Variants in WWTR1 observed in about 807,000 individuals in gnomAD.
WWTR1 encodes the protein WW domain-containing transcription regulator protein 1.
Under a neutral mutation model 40.1 loss-of-function variants are expected in WWTR1, and 13 were observed. That is an observed-to-expected ratio of 0.32 (90% CI 0.21 to 0.52). The LOEUF (loss-of-function observed/expected upper bound fraction) is 0.52, where lower values mean the gene tolerates loss of function less well. WWTR1 is among the 20% of genes least tolerant of loss of function. The probability of loss-of-function intolerance (pLI) is 0.97; values close to 1 mark genes in which losing one functional copy is unlikely to be tolerated. For missense variants in WWTR1, 436 were observed against 523.1 expected (o/e 0.83, Z 1.63); for synonymous variants, 230 against 210.1 (o/e 1.09, Z -0.82).
intron 3 of WWTR1, among the ~76,000 whole-genome samples, chr3:149,559,795 A>G (rs1334124703): frequency 1.3e-5 from 2 of 152,204 alleles, no homozygotes; most frequent in East Asian, 3.8e-4. Context: ...AATCTGTGCT[A>G]CATAATTCTG....
chr3:149,612,497 T>G (rs1739782002), intron 2 of WWTR1, among the ~76,000 whole-genome samples: 1 of 152,208 alleles, frequency 6.6e-6, no homozygotes, highest in Non-Finnish European at 1.5e-5. Flanking sequence ...TCCTGTCCTT[T>G]GTACTTGTAA....
At chr3:149,606,207 C>T (rs1321195853) in intron 2 of WWTR1, among the ~76,000 whole-genome samples, 1 of 152,158 alleles carries the variant, frequency 6.6e-6, no homozygotes, top group Admixed American at 6.5e-5. Flanking sequence ...CCTGAGCCAC[C>T]TAGTTTATGG....
intron 4 of WWTR1, among the ~76,000 whole-genome samples, chr3:149,539,518 G>A (rs982785289): frequency 3.3e-5 from 5 of 152,146 alleles, no homozygotes; most frequent in Non-Finnish European, 7.3e-5. Flanking sequence ...CAAGCAAGAG[G>A]AGAGCCAGTG....
rs370317758 is a variant in WWTR1, at chr3:149,708,625, C to T, written n.585-5297G>A. Among the ~76,000 whole-genome samples the T allele has an allele frequency of 6.6e-5, 10 of 152,268 alleles. No individual in the cohort carries two copies. The East Asian group carries it at 1.7e-3, about 26-fold the overall frequency. On this transcript the variant is annotated intron_variant and non_coding_transcript_variant, in intron 5 of 6. Transcript: ENST00000474080. ...ACTTAATATGTCCTCAAGGTTCATC[C>T]ATATTATAGTGTGTGTCAGAACTTT...
chr3:149,722,689 G>A (rs1236091653), intron 4 of WWTR1, among the ~76,000 whole-genome samples: 1 of 151,610 alleles, frequency 6.6e-6, no homozygotes, highest in Non-Finnish European at 1.5e-5. Flanking sequence ...GTACCCTACA[G>A]GTCCCTTAGG....
At chr3:149,671,101 C>G (rs975587450) in intron 1 of WWTR1, among the ~76,000 whole-genome samples, 1 of 152,138 alleles carries the variant, frequency 6.6e-6, no homozygotes, top group Non-Finnish European at 1.5e-5. Context: ...GTACTTTCAG[C>G]CAAATATTGC....
At chr3:149,677,561 A>G (rs947283524) in intron 1 of WWTR1, among the ~76,000 whole-genome samples, 2 of 152,012 alleles carry the variant, frequency 1.3e-5, no homozygotes, top group Non-Finnish European at 2.9e-5. Context: ...CTAAAACTCA[A>G]TCTATCTAAT....
At chr3:149,637,576 A>G (rs1486098812) in intron 2 of WWTR1, among the ~76,000 whole-genome samples, 2 of 152,112 alleles carry the variant, frequency 1.3e-5, no homozygotes, top group African/African-American at 4.8e-5. Flanking sequence ...CCCTAGTACC[A>G]ATATGTGCTA....
At chr3:149,549,736 G>T (rs987227449) in intron 3 of WWTR1, among the ~76,000 whole-genome samples, 5 of 152,154 alleles carry the variant, frequency 3.3e-5, no homozygotes, top group African/African-American at 1.2e-4. Context: ...CTACTTGGGA[G>T]GCTGGGGCAG....
intron 2 of WWTR1, among the ~76,000 whole-genome samples, chr3:149,577,212 T>C (rs1292982621): frequency 6.6e-6 from 1 of 152,198 alleles, no homozygotes; most frequent in East Asian, 1.9e-4. Flanking sequence ...ACTACACTTT[T>C]GGCTCCTATC....
intron 2 of WWTR1, among the ~76,000 whole-genome samples, chr3:149,620,575 C>A (rs1301708605): frequency 6.9e-6 from 1 of 145,404 alleles, no homozygotes; most frequent in East Asian, 2.0e-4. Flanking sequence ...CCCCCCCACA[C>A]ACACACACTC....
chr3:149,610,897 C>A (rs1288086752), intron 2 of WWTR1, among the ~76,000 whole-genome samples: 2 of 152,054 alleles, frequency 1.3e-5, no homozygotes, highest in Non-Finnish European at 2.9e-5. Context: ...AATCCCAACA[C>A]TTTGGGAGGC....
At chr3:149,622,264 T>C (rs182438356) in intron 2 of WWTR1, among the ~76,000 whole-genome samples, 7 of 152,266 alleles carry the variant, frequency 4.6e-5, no homozygotes, top group Non-Finnish European at 1.0e-4. Flanking sequence ...TGATCTTTTC[T>C]ATCAAGTTGT....
intron 2 of WWTR1, among the ~76,000 whole-genome samples, chr3:149,645,070 C>CT (rs1712412119): frequency 6.8e-6 from 1 of 148,076 alleles, no homozygotes; most frequent in South Asian, 2.1e-4. Context: ...CCAGGCTGCT[C>CT]TTTTATTTTA....
chr3:149,569,735 A>T (rs568554860), intron 3 of WWTR1, among the ~76,000 whole-genome samples: 1 of 152,360 alleles, frequency 6.6e-6, no homozygotes, highest in South Asian at 2.1e-4. Context: ...ATTAAAGAAG[A>T]CCTATCACTT....
intron 6 of WWTR1, among the ~76,000 whole-genome samples, chr3:149,524,327 GTTTTTTTTTT>G (rs3044124): frequency 2.2e-5 from 3 of 139,292 alleles, no homozygotes; most frequent in Non-Finnish European, 3.1e-5. Flanking sequence ...CTCTTTTATG[GTTTTTTTTTT>G]TTTTTTTTGA....
chr3:149,581,632 C>T (rs1426641132), intron 2 of WWTR1, among the ~76,000 whole-genome samples: 1 of 152,126 alleles, frequency 6.6e-6, no homozygotes, highest in East Asian at 1.9e-4. Context: ...CATTCACTTG[C>T]CAATTCAAAA....
At chr3:149,680,915 A>C (rs558637513) in intron 1 of WWTR1, among the ~76,000 whole-genome samples, 2 of 152,284 alleles carry the variant, frequency 1.3e-5, no homozygotes, top group African/African-American at 4.8e-5. Flanking sequence ...ATTATATAAA[A>C]CCAGTTACAT....
intron 2 of WWTR1, among the ~76,000 whole-genome samples, chr3:149,611,909 T>A (rs1199566495): frequency 1.3e-5 from 2 of 152,230 alleles, no homozygotes; most frequent in African/African-American, 2.4e-5. Context: ...CAGTTTAATT[T>A]CAAAAACACT....
Sources: allele counts gnomAD v4.1 joint callset (sites outside exome capture counted in the v4.1 genomes callset), GRCh38; gene constraint gnomAD v4.1.1; transcripts MANE v1.5; gene names NCBI Gene and HGNC (gene_info 2026-07-23, HGNC 2026-07-21).